OXR1: variants seen among roughly 807,000 people sequenced by gnomAD.
OXR1 encodes the protein oxidation resistance 1.
A neutral mutation model predicts 104.6 loss-of-function variants in OXR1; 41 were observed. That is an observed-to-expected ratio of 0.39 (90% CI 0.31 to 0.51). OXR1 has a LOEUF of 0.51. Among genes scored for constraint, OXR1 ranks in the 20% least tolerant of loss-of-function variants. The pLI is 0.77. For synonymous variants in OXR1, 348 were observed against 348.4 expected (o/e 1.00, Z 0.01); for missense variants, 955 against 1,031.9 (o/e 0.93, Z 1.02).
intron 12 of OXR1, among the ~76,000 whole-genome samples, chr8:106,739,075 T>TACACACAC (rs71307086): frequency 0.013 from 1,795 of 141,598 alleles, 30 homozygotes; most frequent in East Asian, 0.033. Flanking sequence ...TTAAATAGCA[T>TACACACAC]ACACACACAC....
chr8:106,598,247 C>T (rs1472991106), intron 3 of OXR1, among the ~76,000 whole-genome samples: 1 of 152,114 alleles, frequency 6.6e-6, no homozygotes, highest in Admixed American at 6.6e-5. Flanking sequence ...TTTTCTTGAC[C>T]TTTCAAGATG....
At chr8:106,723,497 CA>C (rs550424646) in intron 11 of OXR1, among the ~76,000 whole-genome samples, 5,613 of 95,638 alleles carry the variant, frequency 0.059, 228 homozygotes, top group African/African-American at 0.16. Context: ...GCCTCTGTCT[CA>C]AAAAAAAAAA....
chr8:106,690,990 A>T (rs1427407808), intron 6 of OXR1, among the ~76,000 whole-genome samples: 3 of 152,016 alleles, frequency 2.0e-5, no homozygotes, highest in African/African-American at 7.2e-5. Context: ...CAAGGCAAGA[A>T]GGGAAGTGGA....
At chr8:106,750,698 A>ATT in intron 16 of OXR1, 108 bp from the exon 17 acceptor site, 1 of 766,088 alleles carries the variant, frequency 1.3e-6, no homozygotes, top group Non-Finnish European at 2.1e-6. Context: ...GTAGGGAAGG[A>ATT]TTTGAGAAAA....
chr8:106,296,170 T>A (rs545242295), intron 1 of OXR1, among the ~76,000 whole-genome samples: 24 of 152,292 alleles, frequency 1.6e-4, no homozygotes, highest in African/African-American at 5.3e-4. Context: ...GGGCTTATAA[T>A]CAACTTGCAC....
At chr8:106,462,929 A>G (rs1024234888) in intron 2 of OXR1, among the ~76,000 whole-genome samples, 11 of 152,120 alleles carry the variant, frequency 7.2e-5, no homozygotes, top group Non-Finnish European at 1.5e-5. Context: ...ATTCTTTCCA[A>G]TAATAATAAT....
intron 6 of OXR1, among the ~76,000 whole-genome samples, chr8:106,690,628 A>G (rs1829186059): frequency 6.6e-6 from 1 of 151,458 alleles, no homozygotes; most frequent in Non-Finnish European, 1.5e-5. Context: ...CATAATTAGA[A>G]TTAAAAATTG....
intron 2 of OXR1, among the ~76,000 whole-genome samples, chr8:106,435,635 G>A (rs1451065187): frequency 6.6e-6 from 1 of 152,138 alleles, no homozygotes; most frequent in Non-Finnish European, 1.5e-5. Context: ...ATGGGACGGG[G>A]TGACCATCAA....
chr8:106,644,125 A>T lies in OXR1; in HGVS notation c.221-35085A>T, dbSNP rs185698967. On this transcript the variant is annotated intron_variant, in intron 3 of 16. Transcript: ENST00000517566. ...AATTTTTAAACTGGGAGGATAAATG[A>T]TCGACAGATTCTTTTTAGCTTCAGC... Among the ~76,000 whole-genome samples the T allele has an allele frequency of 5.5e-3, 835 of 152,328 alleles. 6 individuals are homozygous for T. Among genetic ancestry groups the T allele is most frequent in the African/African-American group, 0.018 (743 of 41,578 alleles).
intron 1 of OXR1, among the ~76,000 whole-genome samples, chr8:106,356,481 A>G (rs1336753582): frequency 6.6e-6 from 1 of 152,084 alleles, no homozygotes; most frequent in Non-Finnish European, 1.5e-5. Context: ...ACCATTTTTG[A>G]CCTACAAAAG....
At chr8:106,707,404 A>G in intron 9 of OXR1, 1 of 583,076 alleles carries the variant, frequency 1.7e-6, no homozygotes, top group South Asian at 2.3e-5. Context: ...ACATCGTATC[A>G]TTAAACAATT....
intron 2 of OXR1, among the ~76,000 whole-genome samples, chr8:106,455,662 C>T (rs765834437): frequency 6.6e-6 from 1 of 152,100 alleles, no homozygotes; most frequent in Non-Finnish European, 1.5e-5. Context: ...AAAATATTGT[C>T]AGTCCAATCA....
At chr8:106,306,056 T>G (rs1460273730) in intron 1 of OXR1, among the ~76,000 whole-genome samples, 1 of 152,138 alleles carries the variant, frequency 6.6e-6, no homozygotes, top group Non-Finnish European at 1.5e-5. Flanking sequence ...TCTTTTTTTT[T>G]TCATTAAAAT....
chr8:106,412,698 T>C (rs1482974538), intron 2 of OXR1, among the ~76,000 whole-genome samples: 6 of 152,188 alleles, frequency 3.9e-5, no homozygotes, highest in Admixed American at 2.6e-4. Context: ...TTAATTTTTA[T>C]TGGCTGCGAG....
intron 2 of OXR1, among the ~76,000 whole-genome samples, chr8:106,478,877 G>C (rs1218923690): frequency 6.6e-6 from 1 of 151,868 alleles, no homozygotes; most frequent in East Asian, 1.9e-4. Context: ...GTGTATATAC[G>C]TATATGTGAT....
chr8:106,441,154 G>A (rs1819764836), intron 2 of OXR1, among the ~76,000 whole-genome samples: 1 of 152,080 alleles, frequency 6.6e-6, no homozygotes, highest in Non-Finnish European at 1.5e-5. Context: ...AGTTTTCCCA[G>A]CACTGTTCAC....
At chr8:106,635,303 G>A (rs901001535) in intron 3 of OXR1, among the ~76,000 whole-genome samples, 5 of 152,160 alleles carry the variant, frequency 3.3e-5, no homozygotes, top group African/African-American at 9.7e-5. Flanking sequence ...ATGCAAATAT[G>A]AGAAAATCTT....
intron 11 of OXR1, among the ~76,000 whole-genome samples, chr8:106,714,339 G>A (rs1340512882): frequency 6.6e-6 from 1 of 151,956 alleles, no homozygotes; most frequent in Admixed American, 6.6e-5. Flanking sequence ...TTTCACATCT[G>A]ATTTGTTTTA....
intron 1 of OXR1, among the ~76,000 whole-genome samples, chr8:106,307,973 C>T (rs1243004900): frequency 6.6e-6 from 1 of 151,870 alleles, no homozygotes; most frequent in Non-Finnish European, 1.5e-5. Flanking sequence ...GACACACACA[C>T]ACACACAAAA....
Sources: allele counts gnomAD v4.1 joint callset (sites outside exome capture counted in the v4.1 genomes callset), GRCh38; gene constraint gnomAD v4.1.1; transcripts MANE v1.5; gene names NCBI Gene and HGNC (gene_info 2026-07-23, HGNC 2026-07-21).